Variants in COMMD1 observed in about 807,000 individuals in gnomAD.
The protein encoded by COMMD1 is copper metabolism domain containing 1.
COMMD1 carries 10 observed loss-of-function variants against 17.2 expected under a neutral mutation model. The observed-to-expected ratio is 0.58, with a 90% CI of 0.36 to 0.99. COMMD1 has a LOEUF of 0.99. COMMD1 is among the 50% of genes least tolerant of loss of function. The pLI, the probability that COMMD1 is intolerant of heterozygous loss-of-function variation, is 0.01. For missense variants in COMMD1, 270 were observed against 231.8 expected, an observed-to-expected ratio of 1.17 and a Z score of -1.07; for synonymous variants, 97 against 91.6, an observed-to-expected ratio of 1.06 and a Z score of -0.34.
chr2:62,108,478 A>G (rs1672374753), intron 2 of COMMD1, among the ~76,000 whole-genome samples: 2 of 152,140 alleles, frequency 1.3e-5, no homozygotes, highest in Admixed American at 1.3e-4. Context: ...GTACAAGACA[A>G]AAAAGGGGTT....
chr2:61,908,992 A>C (rs550900988), intron 1 of COMMD1, among the ~76,000 whole-genome samples: 35 of 151,934 alleles, frequency 2.3e-4, no homozygotes, highest in African/African-American at 8.5e-4. Flanking sequence ...GTAATGGTGC[A>C]ATCTCGGCTC....
intron 2 of COMMD1, among the ~76,000 whole-genome samples, chr2:62,132,467 C>T (rs1024910432): frequency 6.6e-6 from 1 of 152,160 alleles, no homozygotes; most frequent in Non-Finnish European, 1.5e-5. Flanking sequence ...GCTACATCAT[C>T]TTTTTTATCA....
chr2:62,101,397 C>G (rs1202000438), intron 2 of COMMD1, among the ~76,000 whole-genome samples: 1 of 152,080 alleles, frequency 6.6e-6, no homozygotes, highest in Non-Finnish European at 1.5e-5. Context: ...ATCACTTCAG[C>G]CCAAAAGTCA....
Position 61,963,169 on chromosome 2 carries a change from A to AAT in COMMD1, c.181-37517_181-37516dup, listed in dbSNP as rs1213442635. Among the ~76,000 whole-genome samples the AAT allele has an allele frequency of 4.5e-3, 640 of 143,494 alleles. 1 individual carries two copies. The highest frequency in any genetic ancestry group is 9.3e-3 in the African/African-American group (348 of 37,442). 94.1% of individuals were successfully genotyped at this position (143,494 alleles called of 152,430 possible). On this transcript the variant is annotated intron_variant, in intron 1 of 2. Coordinates refer to ENST00000311832, the MANE Select transcript of COMMD1 (RefSeq NM_152516.4). ...AGTGAGACCCTGTCTCAAAAAAAAA[A>AAT]ATATATATATATATATTATATACAC...
intron 2 of COMMD1, among the ~76,000 whole-genome samples, chr2:62,037,518 G>C (rs1397070309): frequency 1.3e-5 from 2 of 152,154 alleles, no homozygotes; most frequent in East Asian, 3.8e-4. Context: ...GTAGCTGCGA[G>C]AGGTATCATT....
At chr2:62,047,047 G>A (rs1670402684) in intron 2 of COMMD1, among the ~76,000 whole-genome samples, 1 of 152,008 alleles carries the variant, frequency 6.6e-6, no homozygotes, top group South Asian at 2.1e-4. Context: ...ATTCAGGAGA[G>A]TTACGTGGTC....
At chr2:62,003,685 G>C (rs1669031456) in intron 2 of COMMD1, among the ~76,000 whole-genome samples, 2 of 151,424 alleles carry the variant, frequency 1.3e-5, no homozygotes, top group Non-Finnish European at 2.9e-5. Context: ...GGATATCTAA[G>C]TTTTACCAGC....
chr2:62,096,480 G>A (rs893691619), intron 2 of COMMD1, among the ~76,000 whole-genome samples: 1 of 152,172 alleles, frequency 6.6e-6, no homozygotes, highest in East Asian at 1.9e-4. Context: ...CCTAGAACAG[G>A]TGCTTGGGTG....
chr2:62,033,875 C>G (rs993810833), intron 2 of COMMD1, among the ~76,000 whole-genome samples: 10 of 151,448 alleles, frequency 6.6e-5, no homozygotes, highest in African/African-American at 2.4e-4. Context: ...TTTGGGAGAC[C>G]GAGGCAGGAG....
chr2:62,125,446 T>G (rs547467176), intron 2 of COMMD1, among the ~76,000 whole-genome samples: 1 of 152,190 alleles, frequency 6.6e-6, no homozygotes, highest in Non-Finnish European at 1.5e-5. Context: ...ATGACTTGCG[T>G]TGTGATTTGC....
At chr2:62,124,397 C>A (rs1481660056) in intron 2 of COMMD1, among the ~76,000 whole-genome samples, 2 of 152,150 alleles carry the variant, frequency 1.3e-5, no homozygotes, top group Admixed American at 6.5e-5. Context: ...GTCACATTAA[C>A]CAGTTTAAGT....
At chr2:62,126,142 G>C (rs1358570929) in intron 2 of COMMD1, among the ~76,000 whole-genome samples, 1 of 152,180 alleles carries the variant, frequency 6.6e-6, no homozygotes, top group South Asian at 2.1e-4. Context: ...TGGTGTGTAT[G>C]TACCACATTT....
At chr2:62,019,471 G>A (rs1337969436) in intron 2 of COMMD1, among the ~76,000 whole-genome samples, 3 of 151,944 alleles carry the variant, frequency 2.0e-5, no homozygotes, top group Admixed American at 6.6e-5. Context: ...CACTGCACCC[G>A]GCCCTAAAAG....
chr2:61,922,521 G>A, intron 1 of COMMD1, among the ~76,000 whole-genome samples: 1 of 152,112 alleles, frequency 6.6e-6, no homozygotes, highest in East Asian at 1.9e-4. Flanking sequence ...TCACCATGTT[G>A]GCCAGGCTGG....
chr2:62,064,264 C>A (rs1299532728), intron 2 of COMMD1, among the ~76,000 whole-genome samples: 1 of 152,058 alleles, frequency 6.6e-6, no homozygotes, highest in African/African-American at 2.4e-5. Context: ...ACCTCCACCT[C>A]CTGGGTTCAA....
At chr2:62,128,227 C>G (rs745511889) in intron 2 of COMMD1, among the ~76,000 whole-genome samples, 1 of 151,470 alleles carries the variant, frequency 6.6e-6, no homozygotes, top group Non-Finnish European at 1.5e-5. Flanking sequence ...ACTTGGGAGG[C>G]TAAGGCATGA....
At chr2:62,074,268 G>A (rs1671277819) in intron 2 of COMMD1, among the ~76,000 whole-genome samples, 1 of 152,182 alleles carries the variant, frequency 6.6e-6, no homozygotes, top group Middle Eastern at 3.2e-3. Flanking sequence ...CCACATGATT[G>A]AACTCAGTCT....
chr2:62,042,831 G>T (rs1670273393), intron 2 of COMMD1, among the ~76,000 whole-genome samples: 1 of 152,234 alleles, frequency 6.6e-6, no homozygotes, highest in Non-Finnish European at 1.5e-5. Context: ...TTGAGGTAAT[G>T]GTGCCACTAG....
chr2:61,980,771 AT>A (rs1377416847), intron 1 of COMMD1, among the ~76,000 whole-genome samples: 4 of 151,446 alleles, frequency 2.6e-5, no homozygotes, highest in African/African-American at 9.7e-5. Flanking sequence ...CCATTTGTCA[AT>A]TTTGTCTTCT....
Sources: allele counts gnomAD v4.1 joint callset (sites outside exome capture counted in the v4.1 genomes callset), GRCh38; gene constraint gnomAD v4.1.1; transcripts MANE v1.5; gene names NCBI Gene and HGNC (gene_info 2026-07-23, HGNC 2026-07-21).